NDUFA9: variants seen among roughly 807,000 people sequenced by gnomAD.
NDUFA9 encodes the protein NADH dehydrogenase [ubiquinone] 1 alpha subcomplex subunit 9, mitochondrial.
Under a neutral mutation model 45.9 loss-of-function variants are expected in NDUFA9, and 23 were observed. That is an observed-to-expected ratio of 0.50 (90% CI 0.36 to 0.71). The LOEUF (loss-of-function observed/expected upper bound fraction) is 0.71, where lower values mean the gene tolerates loss of function less well. NDUFA9 is among the 30% of genes least tolerant of loss of function. The pLI, the probability that NDUFA9 is intolerant of heterozygous loss-of-function variation, is 0.00. For missense variants in NDUFA9, 466 were observed against 488.2 expected (o/e 0.95, Z 0.43); for synonymous variants, 176 against 170.5 (o/e 1.03, Z -0.25).
chr12:4,664,550 A>G (rs531991166), intron 6 of NDUFA9, among the ~76,000 whole-genome samples: 1 of 152,344 alleles, frequency 6.6e-6, no homozygotes, highest in Admixed American at 6.5e-5. Context: ...GGCCTTTGTC[A>G]GAGGCCTTGG....
At chr12:4,660,337 A>T (rs1048157507) in intron 5 of NDUFA9, among the ~76,000 whole-genome samples, 25 of 152,192 alleles carry the variant, frequency 1.6e-4, no homozygotes, top group African/African-American at 5.8e-4. Context: ...ATTGAGGAGC[A>T]CTATTTTACT....
chr12:4,652,652 CT>C (rs1945766552), intron 1 of NDUFA9, among the ~76,000 whole-genome samples: 1 of 152,140 alleles, frequency 6.6e-6, no homozygotes, highest in Non-Finnish European at 1.5e-5. Flanking sequence ...CATGGGACTG[CT>C]TTTTAATCTC....
intron 8 of NDUFA9, among the ~76,000 whole-genome samples, chr12:4,677,049 GA>G (rs1945924018): frequency 6.6e-6 from 1 of 152,204 alleles, no homozygotes; most frequent in African/African-American, 2.4e-5. Flanking sequence ...AAGCAATGAG[GA>G]AATGATTCTC....
intron 3 of NDUFA9, among the ~76,000 whole-genome samples, chr12:4,656,990 C>A (rs565380143): frequency 6.6e-6 from 1 of 152,176 alleles, no homozygotes; most frequent in Non-Finnish European, 1.5e-5. Context: ...AAACAGACAT[C>A]CTAGTTCTCT....
chr12:4,658,936 T>C, intron 4 of NDUFA9, 100 bp from the exon 5 acceptor site: 1 of 1,209,278 alleles, frequency 8.3e-7, no homozygotes, highest in Non-Finnish European at 1.2e-6. Flanking sequence ...GTTTAAGTAG[T>C]GTGAATTTCA....
chr12:4,653,023 G>A (rs116070743), intron 1 of NDUFA9, among the ~76,000 whole-genome samples: 73 of 152,360 alleles, frequency 4.8e-4, no homozygotes, highest in African/African-American at 1.7e-3. Flanking sequence ...AGTGTACAAA[G>A]CACGAATGCT....
intron 3 of NDUFA9, 173 bp from the exon 4 acceptor site, chr12:4,657,575 C>G: frequency 1.7e-6 from 1 of 582,414 alleles, no homozygotes; most frequent in Non-Finnish European, 3.1e-6. Context: ...AGGGAATCAG[C>G]AGGGAGTCTG....
In NDUFA9 at chr12:4,682,590, A is replaced by G. The variant is rs28517481; in HGVS notation, c.896+290A>G. Among the ~76,000 whole-genome samples the G allele has an allele frequency of 2.6e-3, 389 of 152,324 alleles. 1 individual carries two copies. Among genetic ancestry groups the G allele is most frequent in the African/African-American group, 9.1e-3 (378 of 41,562 alleles). On this transcript the variant is annotated intron_variant, in intron 9 of 10. Transcript: ENST00000266544. Reference sequence around the variant, plus strand: ...AAAACCATCGAGTTTAATTTTGGAGAAATATCTTGCTAGGCACATATGTAA... The same window carrying G: ...AAAACCATCGAGTTTAATTTTGGAGGAATATCTTGCTAGGCACATATGTAA...
chr12:4,686,505 G>A (rs4147695), intron 10 of NDUFA9, among the ~76,000 whole-genome samples: 30,158 of 151,148 alleles, frequency 0.2, 3,420 homozygotes, highest in South Asian at 0.45. Context: ...CAGAACGCCC[G>A]TGCTCAGAAA....
rs1280626796 is a variant in NDUFA9 at position 4,691,971 on chromosome 12, A to G, written c.*4863A>G. On this transcript the variant is annotated 3_prime_UTR_variant, in exon 11 of 11. Transcript: ENST00000266544. ...ACAGCAAGTGGGAGAAAGGAGTGCT[A>G]TCTCCTTTTGAGGTTACATTTCAGA... The G allele has an allele frequency of 1.3e-5, 2 of 152,196 alleles. No individual in the cohort carries two copies. The highest frequency in any genetic ancestry group is 2.9e-5 in the Non-Finnish European group (2 of 68,030). The allele number at this position is 152,196 out of a possible 1,614,324, so 9.4% of individuals were successfully genotyped here. A position where few individuals can be genotyped will look rare whatever the true frequency, so the allele number is the denominator to read the frequency against.
rs1049576 is a variant in NDUFA9, at chr12:4,687,399, C to G, written c.*291C>G. 8.5e-5 allele frequency: 19 copies of G among 223,554 alleles called. No individual in the cohort carries two copies. The Admixed American group carries it at 9.4e-4, about 11-fold the overall frequency. 13.8% of individuals were successfully genotyped at this position (223,554 alleles called of 1,614,324 possible). On this transcript the variant is annotated 3_prime_UTR_variant, in exon 11 of 11. Transcript: ENST00000266544. Reference sequence around the variant, plus strand: ...TGACAAACCACTTCTAGCATACGTTCTAGAAGACAAGGACCCTTTTTAATG... The same window carrying G: ...TGACAAACCACTTCTAGCATACGTTGTAGAAGACAAGGACCCTTTTTAATG...
intron 9 of NDUFA9, among the ~76,000 whole-genome samples, chr12:4,684,574 G>A (rs577559068): frequency 5.5e-4 from 84 of 152,206 alleles, no homozygotes; most frequent in African/African-American, 9.2e-4. Context: ...GTGTGAGTCC[G>A]GCCTGGACAA....
In NDUFA9 at chr12:4,668,496, G is replaced by T; in HGVS notation, c.695G>T (p.Gly232Val). 6.2e-7 allele frequency: 1 copy of T among 1,613,596 alleles called. No individual in the cohort carries two copies. The highest frequency in any genetic ancestry group is 1.1e-5 in the South Asian group (1 of 91,062). Residue 232 changes from glycine to valine, a missense_variant, in exon 7 of 11, where the codon GGC becomes GTC. By Grantham distance (109) the Gly-to-Val change is moderately radical. Transcript: ENST00000266544. ...GGTCCTATACCCCTTGGTTCCTTGG[G>T]CTGGAAGACAGTTAAACAACCAGTA... ...RFGPIPLGSL[G>V]WKTVKQPVYV...
intron 8 of NDUFA9, among the ~76,000 whole-genome samples, chr12:4,671,430 T>C (rs533615365): frequency 5.3e-5 from 8 of 152,080 alleles, no homozygotes; most frequent in Non-Finnish European, 1.2e-4. Flanking sequence ...TAAGTATAAA[T>C]TTAACAATTA....
At chr12:4,653,183 T>G (rs1480166214) in intron 1 of NDUFA9, among the ~76,000 whole-genome samples, 1 of 152,256 alleles carries the variant, frequency 6.6e-6, no homozygotes, top group African/African-American at 2.4e-5. Flanking sequence ...CAAAAGAGAT[T>G]CTCATTCCTG....
At chr12:4,650,598 T>G (rs1223371064) in intron 1 of NDUFA9, among the ~76,000 whole-genome samples, 3 of 152,200 alleles carry the variant, frequency 2.0e-5, no homozygotes, top group Non-Finnish European at 4.4e-5. Flanking sequence ...TGTAACATAA[T>G]CCACACACTA....
chr12:4,657,706 T>C, intron 3 of NDUFA9, 42 bp from the exon 4 acceptor site: 2 of 1,436,570 alleles, frequency 1.4e-6, no homozygotes, highest in East Asian at 2.3e-5. Context: ...AGTGCTGAGG[T>C]ATACCCCTAT....
intron 8 of NDUFA9, among the ~76,000 whole-genome samples, chr12:4,678,214 A>G (rs191114284): frequency 0.01 from 1,544 of 152,230 alleles, 27 homozygotes; most frequent in African/African-American, 0.036. Context: ...GCAAACCACC[A>G]TGGCACATGT....
chr12:4,651,758 C>T (rs1485298527), intron 1 of NDUFA9, among the ~76,000 whole-genome samples: 25 of 152,104 alleles, frequency 1.6e-4, no homozygotes, highest in Non-Finnish European at 1.5e-5. Context: ...TTACTCTTCA[C>T]TCTTATCATT....
Sources: allele counts gnomAD v4.1 joint callset (sites outside exome capture counted in the v4.1 genomes callset), GRCh38; gene constraint gnomAD v4.1.1; transcripts MANE v1.5; gene names NCBI Gene and HGNC (gene_info 2026-07-23, HGNC 2026-07-21).